The following H2BC10 variants were observed in gnomAD, a reference collection of about 807,000 sequenced individuals.
H2BC10 encodes the protein H2B clustered histone 10, also known as histone H2B type 1-C/E/F/G/I.
H2BC10 carries 6 observed loss-of-function variants against 6.4 expected under a neutral mutation model. The observed-to-expected ratio is 0.93, with a 90% confidence interval of 0.51 to 1.84. The LOEUF is 1.84. Ranked by LOEUF, H2BC10 falls within the 40% of genes most tolerant of loss-of-function variation. The pLI is 0.01. For synonymous variants in H2BC10, 120 were observed against 72.8 expected, an observed-to-expected ratio of 1.65 and a Z score of -3.30; for missense variants, 191 against 168.7, an observed-to-expected ratio of 1.13 and a Z score of -0.73.
Position 26,273,277 on chromosome 6 carries a change from T to C in H2BC10, c.302T>C (p.Leu101Pro). Residue 101 changes from leucine (L) to proline (P), a missense_variant, in exon 1 of 1, where the codon CTG (leucine) becomes CCG (proline). Coordinates refer to ENST00000377733, the MANE Select transcript of H2BC10 (RefSeq NM_003525.3). ...TSREIQTAVR[L>P]LLPGELAKHA... ...AGGGAGATCCAAACGGCTGTGCGCC[T>C]GCTGCTACCCGGGGAGCTGGCCAAA... 6.2e-7 allele frequency: 1 copy of C among 1,614,212 alleles called. No homozygotes were observed. The highest frequency in any genetic ancestry group is 8.5e-7 in the Non-Finnish European group (1 of 1,180,034).
Position 26,272,967 on chromosome 6 carries a change from GC to G in H2BC10, c.-8del, listed in dbSNP as rs768056226. The G allele has an allele frequency of 2.8e-5, 45 of 1,614,152 alleles. No individual in the cohort carries two copies. In the East Asian group the frequency reaches 9.4e-4, roughly 34 times the overall value. On this transcript the variant is annotated 5_prime_UTR_variant, in exon 1 of 1. Transcript: ENST00000377733. ...GTGGTCATTTGACGGTATCACTTCG[GC>G]TGCGAACATGCCTGAACCAGCTAAG... is the stretch of plus-strand genomic sequence containing the variant.
Position 26,273,290 on chromosome 6 carries a change from G to A in H2BC10, c.315G>A (p.Gly105=), listed in dbSNP as rs375240174. Residue 105 remains glycine (G), a synonymous_variant, in exon 1 of 1, where the codon GGG becomes GGA. Transcript: ENST00000377733. The part of the protein sequence containing the change: ...IQTAVRLLLP[G]ELAKHAVSEG... ...CGGCTGTGCGCCTGCTGCTACCCGG[G>A]GAGCTGGCCAAACACGCGGTGTCGG... The A allele has an allele frequency of 5.0e-6, 8 of 1,614,082 alleles. No individual in the cohort carries two copies. Among genetic ancestry groups the A allele is most frequent in the Non-Finnish European group, 5.9e-6 (7 of 1,180,024 alleles).
Position 26,273,088 on chromosome 6 carries a change from AT to A in H2BC10, c.115del (p.Ser39ProfsTer8). The A allele has an allele frequency of 7.4e-6, 12 of 1,614,258 alleles. No individual in the cohort carries two copies. Among genetic ancestry groups the A allele is most frequent in the Non-Finnish European group, 1.0e-5 (12 of 1,180,036 alleles). ...CGCAAGCGCAGCCGCAAGGAGAGCT[AT>A]TCCGTGTACGTGTACAAGGTGCTGA... ...KKRKRSRKES[Y>X]SVYVYKVLKQ... On this transcript the variant is annotated frameshift_variant, in exon 1 of 1. Transcript: ENST00000377733. LOFTEE classifies it high-confidence loss of function.
chr6:26,273,036 A>G lies in H2BC10; in HGVS notation c.61A>G (p.Lys21Glu), dbSNP rs1227024443. ...GAAGGGCTCCAAGAAGGCGGTGACC[A>G]AGGCACAGAAGAAGGATGGCAAGAA... ...PKKGSKKAVT[K>E]AQKKDGKKRK... Residue 21 changes from lysine to glutamate, a missense_variant, in exon 1 of 1, where the codon AAG (lysine) becomes GAG (glutamate). Physicochemically the swap from Lys to Glu is moderately conservative, Grantham distance 56 (BLOSUM62 1). Transcript: ENST00000377733. 2 of 1,614,108 alleles carry G rather than the reference A, an allele frequency of 1.2e-6. No individual in the cohort carries two copies. Among genetic ancestry groups the G allele is most frequent in the African/African-American group, 1.3e-5 (1 of 74,930 alleles).
chr6:26,273,282 C>T lies in H2BC10; in HGVS notation c.307C>T (p.Leu103=), dbSNP rs1483389580. The change falls in exon 1 of 1, where the codon CTA becomes TTA. Residue 103 remains leucine, a synonymous_variant. Transcript: ENST00000377733. ...REIQTAVRLL[L]PGELAKHAVS... is the part of the protein sequence containing the mutation. ...GATCCAAACGGCTGTGCGCCTGCTG[C>T]TACCCGGGGAGCTGGCCAAACACGC... 9 of 1,614,118 alleles carry T rather than the reference C, an allele frequency of 5.6e-6. No homozygotes were observed. The highest frequency in any genetic ancestry group is 7.6e-6 in the Non-Finnish European group (9 of 1,180,044).
rs1421610990 is a variant in H2BC10 at position 26,273,011 on chromosome 6, G to A, written c.36G>A (p.Lys12=). The A allele has an allele frequency of 6.2e-7, 1 of 1,614,196 alleles. No individual in the cohort carries two copies. Among genetic ancestry groups the A allele is most frequent in the South Asian group, 1.1e-5 (1 of 91,086 alleles). ...PEPAKSAPAP[K]KGSKKAVTKA... is the part of the protein sequence containing the mutation. ...CAGCTAAGTCAGCTCCCGCCCCGAA[G>A]AAGGGCTCCAAGAAGGCGGTGACCA... Residue 12 remains lysine, a synonymous_variant, in exon 1 of 1, where the codon AAG becomes AAA. Coordinates refer to ENST00000377733, the MANE Select transcript of H2BC10 (RefSeq NM_003525.3).
In H2BC10 at chr6:26,273,079, A is replaced by C. The variant is rs781376245; in HGVS notation, c.104A>C (p.Lys35Thr). Residue 35 changes from lysine (K) to threonine (T), a missense_variant, in exon 1 of 1, where the codon AAG (lysine) becomes ACG (threonine). Coordinates refer to ENST00000377733, the MANE Select transcript of H2BC10 (RefSeq NM_003525.3). ...GGCAAGAAGCGCAAGCGCAGCCGCA[A>C]GGAGAGCTATTCCGTGTACGTGTAC... ...KDGKKRKRSRKESYSVYVYKV... is the reference protein window; with the variant it reads ...KDGKKRKRSRTESYSVYVYKV... 5 of 1,614,168 alleles carry C rather than the reference A, an allele frequency of 3.1e-6. No individual in the cohort carries two copies. In the South Asian group the frequency reaches 4.4e-5, roughly 14 times the overall value.
chr6:26,273,110 G>A lies in H2BC10; in HGVS notation c.135G>A (p.Val45=). 28 of 1,614,266 alleles carry A rather than the reference G, an allele frequency of 1.7e-5. No homozygotes were observed. The highest frequency in any genetic ancestry group is 2.3e-5 in the Non-Finnish European group (27 of 1,180,048). Residue 45 remains valine, a synonymous_variant, in exon 1 of 1, where the codon GTG becomes GTA. Coordinates refer to ENST00000377733, the MANE Select transcript of H2BC10 (RefSeq NM_003525.3). The part of the protein sequence containing the change: ...KESYSVYVYK[V]LKQVHPDTGI... ...GCTATTCCGTGTACGTGTACAAGGT[G>A]CTGAAGCAGGTCCACCCCGACACCG...
In H2BC10 at chr6:26,273,323, C is replaced by T; in HGVS notation, c.348C>T (p.Thr116=). The change falls in exon 1 of 1, where the codon ACC becomes ACT. Residue 116 remains threonine (T), a synonymous_variant. Transcript: ENST00000377733. The part of the protein sequence containing the change: ...ELAKHAVSEG[T]KAVTKYTSSK ...CCAAACACGCGGTGTCGGAGGGCAC[C>T]AAGGCGGTCACCAAGTACACCAGCT... The T allele has an allele frequency of 6.2e-7, 1 of 1,614,160 alleles. No homozygotes were observed. The highest frequency in any genetic ancestry group is 8.5e-7 in the Non-Finnish European group (1 of 1,180,010).
chr6:26,273,387 C>A lies in H2BC10; in HGVS notation c.*31C>A. On this transcript the variant is annotated 3_prime_UTR_variant, in exon 1 of 1. Coordinates refer to ENST00000377733, the MANE Select transcript of H2BC10 (RefSeq NM_003525.3). ...TTACCTGGGTAAAAGCGCTAACGAC[C>A]CAAAGGCTCTTCTAAGAGCCACCCA... 1 of 1,601,378 alleles carries A rather than the reference C, an allele frequency of 6.2e-7. No individual in the cohort carries two copies. Among genetic ancestry groups the A allele is most frequent in the Middle Eastern group, 1.7e-4 (1 of 5,962 alleles).
rs745820739 is a variant in H2BC10, at chr6:26,273,345, A to G, written c.370A>G (p.Ser124Gly). 1 of 1,614,054 alleles carries G rather than the reference A, an allele frequency of 6.2e-7. No homozygotes were observed. Among genetic ancestry groups the G allele is most frequent in the Non-Finnish European group, 8.5e-7 (1 of 1,179,958 alleles). ...CACCAAGGCGGTCACCAAGTACACC[A>G]GCTCCAAGTAAACTAGTTACCTGGG... ...EGTKAVTKYT[S>G]SK Residue 124 changes from serine (S) to glycine (G), a missense_variant, in exon 1 of 1, where the codon AGC becomes GGC. Physicochemically the swap from Ser to Gly is moderately conservative, Grantham distance 56. Transcript: ENST00000377733.
At position 26,272,931 on chromosome 6, in the gene H2BC10, A is replaced by C; in HGVS notation, c.-45A>C. On this transcript the variant is annotated 5_prime_UTR_variant, in exon 1 of 1. Coordinates refer to ENST00000377733, the MANE Select transcript of H2BC10 (RefSeq NM_003525.3). ...AATAATGAGGGCGTTTGGGCTCACC[A>C]GCATTTTCCTGTGGTCATTTGACGG... 1.2e-6 allele frequency: 2 copies of C among 1,612,236 alleles called. No individual in the cohort carries two copies.
rs751642317 is a variant in H2BC10 at position 26,273,121 on chromosome 6, T to C, written c.146T>C (p.Val49Ala). The stretch of plus-strand genomic sequence containing the variant: ...TACGTGTACAAGGTGCTGAAGCAGG[T>C]CCACCCCGACACCGGCATCTCGTCC... ...SVYVYKVLKQ[V>A]HPDTGISSKA... is the part of the protein sequence containing the mutation. Residue 49 changes from valine (V) to alanine (A), a missense_variant, in exon 1 of 1, where the codon GTC (valine) becomes GCC (alanine). Val to Ala is a moderately conservative substitution (Grantham distance 64, BLOSUM62 0). Coordinates refer to ENST00000377733, the MANE Select transcript of H2BC10 (RefSeq NM_003525.3). The C allele has an allele frequency of 6.2e-7, 1 of 1,614,240 alleles. No homozygotes were observed. The highest frequency in any genetic ancestry group is 2.2e-5 in the East Asian group (1 of 44,892).
rs759342716 is a variant in H2BC10 at position 26,273,399 on chromosome 6, C to T, written c.*43C>T. On this transcript the variant is annotated 3_prime_UTR_variant, in exon 1 of 1. Transcript: ENST00000377733. Reference sequence around the variant, plus strand: ...AAGCGCTAACGACCCAAAGGCTCTTCTAAGAGCCACCCATGTTGTCATTTA... The same window carrying T: ...AAGCGCTAACGACCCAAAGGCTCTTTTAAGAGCCACCCATGTTGTCATTTA... The T allele has an allele frequency of 6.3e-6, 10 of 1,588,390 alleles. No individual in the cohort carries two copies. The highest frequency in any genetic ancestry group is 1.1e-5 in the South Asian group (1 of 87,484).
In H2BC10 at chr6:26,273,091, C is replaced by G. The variant is rs773924307; in HGVS notation, c.116C>G (p.Ser39Cys). The change falls in exon 1 of 1, where the codon TCC becomes TGC. Residue 39 changes from serine to cysteine, a missense_variant. Physicochemically the swap from Ser to Cys is moderately radical, Grantham distance 112 (BLOSUM62 -1). Coordinates refer to ENST00000377733, the MANE Select transcript of H2BC10 (RefSeq NM_003525.3). ...KRKRSRKESY[S>C]VYVYKVLKQV... ...AAGCGCAGCCGCAAGGAGAGCTATT[C>G]CGTGTACGTGTACAAGGTGCTGAAG... The G allele has an allele frequency of 6.2e-7, 1 of 1,614,268 alleles. No homozygotes were observed. Among genetic ancestry groups the G allele is most frequent in the Non-Finnish European group, 8.5e-7 (1 of 1,180,054 alleles).
At position 26,273,038 on chromosome 6, in the gene H2BC10, G is replaced by C. The variant is rs767502992; in HGVS notation, c.63G>C (p.Lys21Asn). 3.1e-6 allele frequency: 5 copies of C among 1,614,252 alleles called. No homozygotes were observed. The South Asian group carries it at 4.4e-5, about 14-fold the overall frequency. ...PKKGSKKAVT[K>N]AQKKDGKKRK... Reference sequence around the variant, plus strand: ...AGGGCTCCAAGAAGGCGGTGACCAAGGCACAGAAGAAGGATGGCAAGAAGC... The same window carrying C: ...AGGGCTCCAAGAAGGCGGTGACCAACGCACAGAAGAAGGATGGCAAGAAGC... The change falls in exon 1 of 1, where the codon AAG becomes AAC. Residue 21 changes from lysine to asparagine, a missense_variant. Physicochemically the swap from Lys to Asn is moderately conservative, Grantham distance 94. Coordinates refer to ENST00000377733, the MANE Select transcript of H2BC10 (RefSeq NM_003525.3).
Position 26,273,227 on chromosome 6 carries a change from T to C in H2BC10, c.252T>C (p.Tyr84=), listed in dbSNP as rs746462529. The C allele has an allele frequency of 3.8e-5, 62 of 1,614,076 alleles. No homozygotes were observed. The highest frequency in any genetic ancestry group is 1.6e-4 in the Middle Eastern group (1 of 6,084). Residue 84 remains tyrosine, a synonymous_variant, in exon 1 of 1, where the codon TAT becomes TAC. Transcript: ENST00000377733. The part of the protein sequence containing the change: ...IAGEASRLAH[Y]NKRSTITSRE... Reference sequence around the variant, plus strand: ...GCGAGGCTTCCCGCCTGGCGCATTATAACAAGCGCTCGACCATCACTTCCA... The same window carrying C: ...GCGAGGCTTCCCGCCTGGCGCATTACAACAAGCGCTCGACCATCACTTCCA...
rs1268869612 is a variant in H2BC10, at chr6:26,273,048, A to G, written c.73A>G (p.Lys25Glu). The G allele has an allele frequency of 1.6e-5, 26 of 1,614,250 alleles. No homozygotes were observed. In the Admixed American group the frequency reaches 3.7e-4, roughly 23 times the overall value. The change falls in exon 1 of 1, where the codon AAG becomes GAG. Residue 25 changes from lysine to glutamate, a missense_variant. By Grantham distance (56) the Lys-to-Glu change is moderately conservative (BLOSUM62 1). Coordinates refer to ENST00000377733, the MANE Select transcript of H2BC10 (RefSeq NM_003525.3). ...GAAGGCGGTGACCAAGGCACAGAAG[A>G]AGGATGGCAAGAAGCGCAAGCGCAG... is the stretch of plus-strand genomic sequence containing the variant. ...SKKAVTKAQKKDGKKRKRSRK... is the reference protein window; with the variant it reads ...SKKAVTKAQKEDGKKRKRSRK...
rs200816853 is a variant in H2BC10 at position 26,273,231 on chromosome 6, A to C, written c.256A>C (p.Lys86Gln). 4 of 1,614,026 alleles carry C rather than the reference A, an allele frequency of 2.5e-6. No homozygotes were observed. Among genetic ancestry groups the C allele is most frequent in the Non-Finnish European group, 3.4e-6 (4 of 1,180,028 alleles). ...GEASRLAHYN[K>Q]RSTITSREIQ... Reference sequence around the variant, plus strand: ...GGCTTCCCGCCTGGCGCATTATAACAAGCGCTCGACCATCACTTCCAGGGA... The same window carrying C: ...GGCTTCCCGCCTGGCGCATTATAACCAGCGCTCGACCATCACTTCCAGGGA... Residue 86 changes from lysine (K) to glutamine (Q), a missense_variant, in exon 1 of 1, where the codon AAG becomes CAG. By Grantham distance (53) the Lys-to-Gln change is moderately conservative (BLOSUM62 1). Transcript: ENST00000377733.
Sources: gnomAD v4.1 joint callset for allele counts on GRCh38, gnomAD v4.1.1 for gene constraint, MANE v1.5 for transcripts, NCBI Gene and HGNC (gene_info 2026-07-23, HGNC 2026-07-21) for gene names.